Variants in TDRD9 observed in about 807,000 individuals in gnomAD.
The protein encoded by TDRD9 is tudor domain containing 9, also known as ATP-dependent RNA helicase TDRD9.
A neutral mutation model predicts 172.6 loss-of-function variants in TDRD9; 124 were observed. The ratio of observed to expected loss-of-function variants is 0.72; its 90% CI spans 0.62 to 0.83. The LOEUF is 0.83. TDRD9 is among the 40% of genes least tolerant of loss of function. The probability of loss-of-function intolerance (pLI) is 0.00; values close to 1 mark genes in which losing one functional copy is unlikely to be tolerated. For synonymous variants in TDRD9, 619 were observed against 617.1 expected (o/e 1.00, Z -0.05); for missense variants, 1,479 against 1,714.1 (o/e 0.86, Z 2.42).
chr14:103,961,072 T>C (rs907100523), intron 2 of TDRD9, among the ~76,000 whole-genome samples: 7 of 152,188 alleles, frequency 4.6e-5, no homozygotes, highest in Non-Finnish European at 8.8e-5. Flanking sequence ...AGGGCCTTCT[T>C]TCTCTCAGTC....
chr14:104,006,697 T>G lies in TDRD9; in HGVS notation c.1931T>G (p.Leu644Arg), dbSNP rs1219878799. 6.2e-7 allele frequency: 1 copy of G among 1,613,884 alleles called. No homozygotes were observed. ...TTTGCAATGCCTTTCCGGCAGCATC[T>G]CGATGGATATAGGTACTGAACATTC... ...NFFAMPFRQH[L>R]DGYRNKVNFS... The change falls in exon 17 of 36, where the codon CTC becomes CGC. Residue 644 changes from leucine to arginine, a missense_variant. Leu to Arg is a moderately radical substitution (Grantham distance 102). Transcript: ENST00000409874.
At chr14:104,036,399 T>C (rs1366893871) in intron 32 of TDRD9, among the ~76,000 whole-genome samples, 1 of 152,180 alleles carries the variant, frequency 6.6e-6, no homozygotes, top group East Asian at 1.9e-4. Context: ...AGTTCAGGCG[T>C]CTTGGAGCCT....
In TDRD9 at chr14:103,963,294, A is replaced by G. The variant is rs1192871348; in HGVS notation, c.420+118A>G. ...CAGGTGAACACTTCTGTGGTGTACA[A>G]GGTTCTGTGGTGGATAAGAGGAGGG... On this transcript the variant is annotated intron_variant, in intron 3 of 35. Coordinates refer to ENST00000409874, the MANE Select transcript of TDRD9 (RefSeq NM_153046.3). The G allele has an allele frequency of 5.7e-6, 4 of 701,752 alleles. No homozygotes were observed. The African/African-American group carries it at 7.2e-5, about 13-fold the overall frequency. 43.5% of individuals were successfully genotyped at this position (701,752 alleles called of 1,614,324 possible). A position where few individuals can be genotyped will look rare whatever the true frequency, so the allele number is the denominator to read the frequency against.
chr14:104,004,133 T>G (rs1057093751), intron 13 of TDRD9, 105 bp from the exon 14 acceptor site: 20 of 534,082 alleles, frequency 3.7e-5, no homozygotes, highest in Middle Eastern at 2.8e-4. Context: ...GGAAGATACT[T>G]AAGGCTTTGC....
chr14:103,941,740 G>A, intron 1 of TDRD9: 2 of 1,354,626 alleles, frequency 1.5e-6, no homozygotes, highest in East Asian at 2.5e-5. Context: ...TGCTCAAAAT[G>A]TTATGTTCTT....
At chr14:103,944,213 C>G (rs551956551) in intron 1 of TDRD9, among the ~76,000 whole-genome samples, 1 of 152,252 alleles carries the variant, frequency 6.6e-6, no homozygotes, top group South Asian at 2.1e-4. Flanking sequence ...CTTACGTTAT[C>G]CCTCCTTACC....
chr14:104,005,153 T>A, intron 14 of TDRD9, 121 bp from the exon 15 acceptor site: 10 of 926,612 alleles, frequency 1.1e-5, no homozygotes, highest in Middle Eastern at 2.3e-4. Flanking sequence ...ATCCTCTCCA[T>A]TTTTCTTTCT....
rs1481083804 is a variant in TDRD9 at position 104,052,037 on chromosome 14, C to T, written c.4104C>T (p.Asn1368=). Reference sequence around the variant, plus strand: ...ACCGTGAGAGCAGCAGAGGGAAGAACACCTTTCTCTACCAGCTCCACAAAC... The same window carrying T: ...ACCGTGAGAGCAGCAGAGGGAAGAATACCTTTCTCTACCAGCTCCACAAAC... The part of the protein sequence containing the change: ...QADRESSRGK[N]TFLYQLHKLV... The change falls in exon 36 of 36, where the codon AAC becomes AAT. Residue 1368 remains asparagine (N), a synonymous_variant. Transcript: ENST00000409874. 6.3e-7 allele frequency: 1 copy of T among 1,593,802 alleles called. No homozygotes were observed. The highest frequency in any genetic ancestry group is 8.5e-7 in the Non-Finnish European group (1 of 1,169,842).
At chr14:104,015,216 A>G (rs1038074413) in intron 21 of TDRD9, among the ~76,000 whole-genome samples, 2 of 152,132 alleles carry the variant, frequency 1.3e-5, no homozygotes, top group African/African-American at 4.8e-5. Context: ...GTATATAGCT[A>G]TTCCCCTACA....
At chr14:103,984,213 G>T (rs1321754216) in intron 7 of TDRD9, among the ~76,000 whole-genome samples, 1 of 152,198 alleles carries the variant, frequency 6.6e-6, no homozygotes, top group African/African-American at 2.4e-5. Context: ...CTGAGGAGAA[G>T]TTCAAGTCAG....
intron 20 of TDRD9, among the ~76,000 whole-genome samples, chr14:104,009,095 T>C (rs2034531845): frequency 6.6e-6 from 1 of 152,196 alleles, no homozygotes; most frequent in Non-Finnish European, 1.5e-5. Flanking sequence ...GCCTAGGCTG[T>C]ATAGTGTAGC....
At chr14:103,994,858 G>A (rs2033999867) in intron 11 of TDRD9, among the ~76,000 whole-genome samples, 1 of 152,020 alleles carries the variant, frequency 6.6e-6, no homozygotes, top group African/African-American at 2.4e-5. Context: ...GGGAGGCTGA[G>A]GTGGGAGACT....
chr14:103,931,725 G>A (rs766604936), intron 1 of TDRD9, among the ~76,000 whole-genome samples: 22 of 152,246 alleles, frequency 1.4e-4, no homozygotes, highest in African/African-American at 1.9e-4. Context: ...AAGAGATTTC[G>A]CAGCTGTAAT....
At chr14:103,941,456 T>C in intron 1 of TDRD9, 1 of 1,535,444 alleles carries the variant, frequency 6.5e-7, no homozygotes, top group Non-Finnish European at 8.7e-7. Context: ...CTTCAAGTTG[T>C]CTTTGTTCAG....
At chr14:104,042,210 C>T (rs777525468) in intron 34 of TDRD9, 23 bp downstream of exon 34, 1 of 1,495,420 alleles carries the variant, frequency 6.7e-7, no homozygotes, top group Admixed American at 1.7e-5. Flanking sequence ...ATGACGCGGG[C>T]TTCTTTTCTT....
intron 35 of TDRD9, chr14:104,049,929 G>GA: frequency 4.5e-6 from 2 of 448,854 alleles, no homozygotes; most frequent in Non-Finnish European, 8.0e-6. Context: ...TGTGAGTTGG[G>GA]AAAAAAAGGT....
intron 7 of TDRD9, among the ~76,000 whole-genome samples, chr14:103,985,194 T>C (rs887116310): frequency 2.0e-5 from 3 of 152,152 alleles, no homozygotes; most frequent in Admixed American, 6.5e-5. Context: ...TGTTTTTAAA[T>C]GTGAGGACAT....
chr14:104,047,828 T>C (rs2035826371), intron 34 of TDRD9, among the ~76,000 whole-genome samples: 1 of 152,236 alleles, frequency 6.6e-6, no homozygotes, highest in Non-Finnish European at 1.5e-5. Flanking sequence ...TTTCAGTCAT[T>C]GTACTTTTCA....
At chr14:104,007,247 A>G (rs755018915) in intron 19 of TDRD9, 43 bp downstream of exon 19, 14 of 1,589,964 alleles carry the variant, frequency 8.8e-6, no homozygotes, top group Admixed American at 3.4e-5. Flanking sequence ...GGCTGGGAGT[A>G]ATGAGAGAAG....
Sources: allele counts gnomAD v4.1 joint callset (sites outside exome capture counted in the v4.1 genomes callset), GRCh38; gene constraint gnomAD v4.1.1; transcripts MANE v1.5; gene names NCBI Gene and HGNC (gene_info 2026-07-23, HGNC 2026-07-21).